HEATR4: variants seen among roughly 807,000 people sequenced by gnomAD.
HEATR4 encodes the protein HEAT repeat containing 4, also known as HEAT repeat-containing protein 4.
HEATR4 carries 95 observed loss-of-function variants against 108.8 expected under a neutral mutation model. The ratio of observed to expected loss-of-function variants is 0.87; its 90% confidence interval spans 0.74 to 1.04. HEATR4 has a LOEUF of 1.04. Among genes scored for constraint, HEATR4 ranks in the 50% least tolerant of loss-of-function variants. The pLI, the probability that HEATR4 is intolerant of heterozygous loss-of-function variation, is 0.00. For missense variants in HEATR4, 1,152 were observed against 1,253.8 expected (o/e 0.92, Z 1.23); for synonymous variants, 443 against 459.4 (o/e 0.96, Z 0.46).
Position 73,509,305 on chromosome 14 carries a change from TACTC to T in HEATR4, c.1720+3_1720+6del, listed in dbSNP as rs769512066. The T allele has an allele frequency of 6.8e-6, 11 of 1,613,218 alleles. No individual in the cohort carries two copies. In the South Asian group the frequency reaches 7.7e-5, roughly 11 times the overall value. ...TTCCAGGTCAGAAGTAACAGGGAGT[TACTC>T]ACCCTTCAGAAGGGCAGTCTGCATG... On this transcript the variant is annotated splice_donor_5th_base_variant and intron_variant, in intron 8 of 17. Coordinates refer to ENST00000553558, the MANE Select transcript of HEATR4 (RefSeq NM_001220484.1).
At chr14:73,608,164 C>A in the HEATR4 span, among the ~76,000 whole-genome samples, 1 of 152,098 alleles carries the variant, frequency 6.6e-6, no homozygotes, top group Non-Finnish European at 1.5e-5. Context: ...ACCTTGTGAC[C>A]CACCTGCCTT....
At chr14:73,604,708 G>A in the HEATR4 span, among the ~76,000 whole-genome samples, 3 of 151,662 alleles carry the variant, frequency 2.0e-5, no homozygotes, top group Admixed American at 2.0e-4. Flanking sequence ...GGTTGGTCTC[G>A]AACTCCTGAC....
the HEATR4 span, among the ~76,000 whole-genome samples, chr14:73,583,628 T>C: frequency 6.6e-6 from 1 of 151,960 alleles, no homozygotes; most frequent in African/African-American, 2.4e-5. Flanking sequence ...CTCCTGATGA[T>C]CCACAGCTGT....
chr14:73,503,225 G>A (rs1886592271), intron 10 of HEATR4, among the ~76,000 whole-genome samples: 1 of 152,128 alleles, frequency 6.6e-6, no homozygotes. Context: ...TGATCAGCTT[G>A]TCCAAGGTTA....
the HEATR4 span, among the ~76,000 whole-genome samples, chr14:73,598,217 C>CAAAAAAAAAA: frequency 2.6e-3 from 140 of 54,444 alleles, no homozygotes; most frequent in East Asian, 5.6e-3. Context: ...ACTAAAAATA[C>CAAAAAAAAAA]AAAAAAAAAA....
intron 5 of HEATR4, among the ~76,000 whole-genome samples, chr14:73,516,890 C>T (rs1242799592): frequency 6.6e-6 from 1 of 152,198 alleles, no homozygotes; most frequent in Non-Finnish European, 1.5e-5. Flanking sequence ...AAACCATCCC[C>T]ACCCCGCTGG....
At chr14:73,599,332 A>C in the HEATR4 span, among the ~76,000 whole-genome samples, 1 of 152,264 alleles carries the variant, frequency 6.6e-6, no homozygotes, top group Middle Eastern at 3.4e-3. Context: ...GGTGTGTTTC[A>C]GTTATCTATT....
chr14:73,616,509 A>G, the HEATR4 span, among the ~76,000 whole-genome samples: 4 of 151,988 alleles, frequency 2.6e-5, no homozygotes, highest in Admixed American at 6.6e-5. Context: ...CCTGGCCAAC[A>G]TGGCAAAACC....
At chr14:73,522,175 G>A in intron 3 of HEATR4, 97 bp downstream of exon 3, 1 of 1,246,002 alleles carries the variant, frequency 8.0e-7, no homozygotes, top group Admixed American at 2.1e-5. Flanking sequence ...GTTGATGGGA[G>A]AGTGCATTCT....
chr14:73,500,468 T>G, intron 12 of HEATR4, 82 bp downstream of exon 12: 1 of 1,396,798 alleles, frequency 7.2e-7, no homozygotes, highest in Non-Finnish European at 9.9e-7. Context: ...CACAGAATGT[T>G]GAGCATACTG....
Position 73,540,783 on chromosome 14 carries a change from G to A in HEATR4, c.-151-10539C>T, listed in dbSNP as rs566479276. Reference sequence around the variant, plus strand: ...TTTTGAGACAGTGTCTCGCTCTTTCGCCCAGGCTGGAGTAGTGGCACAATC... The same window carrying A: ...TTTTGAGACAGTGTCTCGCTCTTTCACCCAGGCTGGAGTAGTGGCACAATC... On this transcript the variant is annotated intron_variant, in intron 1 of 17. Coordinates refer to ENST00000553558, the MANE Select transcript of HEATR4 (RefSeq NM_001220484.1). 2.0e-4 allele frequency among the ~76,000 whole-genome samples: 20 copies of A among 99,666 alleles called. 1 individual carries two copies. The highest frequency in any genetic ancestry group is 1.8e-3 in the South Asian group (6 of 3,264). The allele number at this position is 99,666 out of a possible 152,430, so 65.4% of individuals were successfully genotyped here.
upstream of HEATR4, among the ~76,000 whole-genome samples, chr14:73,560,587 G>A (rs1217932511): frequency 5.9e-5 from 9 of 151,360 alleles, no homozygotes; most frequent in East Asian, 3.9e-4. Flanking sequence ...GCATGAACCC[G>A]GGAGGCGGAG....
chr14:73,486,822 T>C (rs1036595344), intron 17 of HEATR4, among the ~76,000 whole-genome samples: 3 of 152,232 alleles, frequency 2.0e-5, no homozygotes, highest in Non-Finnish European at 2.9e-5. Flanking sequence ...TATCTAATGA[T>C]GGGATGAATT....
rs1360553615 is a variant in HEATR4, at chr14:73,487,558, ACT to A, written c.2844+5506_2844+5507del. 2.6e-5 allele frequency among the ~76,000 whole-genome samples: 4 copies of A among 152,172 alleles called. No homozygotes were observed. The East Asian group carries it at 7.7e-4, about 29-fold the overall frequency. ...ACTCCAGCCTGGATGACAGAGCAAGACTCTATCTCAAAACAAACAAACAAACA... is the reference window on the plus strand; with the variant it reads ...ACTCCAGCCTGGATGACAGAGCAAGACTATCTCAAAACAAACAAACAAACA... On this transcript the variant is annotated intron_variant, in intron 17 of 17. Coordinates refer to ENST00000553558, the MANE Select transcript of HEATR4 (RefSeq NM_001220484.1).
upstream of HEATR4, among the ~76,000 whole-genome samples, chr14:73,559,451 C>G (rs1889472353): frequency 6.6e-6 from 1 of 151,904 alleles, no homozygotes; most frequent in African/African-American, 2.4e-5. Context: ...TAAACCTCAG[C>G]CAGGCGCGAT....
chr14:73,541,722 C>T, intron 1 of HEATR4: 1 of 1,220,944 alleles, frequency 8.2e-7, no homozygotes, highest in Middle Eastern at 2.2e-4. Context: ...GATTTATGGG[C>T]TATGATGTAT....
chr14:73,612,534 C>T, the HEATR4 span: 4 of 1,233,278 alleles, frequency 3.2e-6, no homozygotes, highest in African/African-American at 1.6e-5. Flanking sequence ...CCCACTGACT[C>T]CGCGGAGCTG....
chr14:73,629,417 T>C, the HEATR4 span, among the ~76,000 whole-genome samples: 3 of 152,202 alleles, frequency 2.0e-5, no homozygotes. Context: ...TTAACAATTA[T>C]TATTTCAGAT....
intron 8 of HEATR4, 127 bp from the exon 9 acceptor site, chr14:73,508,421 T>A: frequency 1.3e-6 from 1 of 749,970 alleles, no homozygotes; most frequent in Non-Finnish European, 2.2e-6. Flanking sequence ...CCACTCAGTC[T>A]AGAAATACAA....
Sources: allele counts gnomAD v4.1 joint callset (sites outside exome capture counted in the v4.1 genomes callset), GRCh38; gene constraint gnomAD v4.1.1; transcripts MANE v1.5; gene names NCBI Gene and HGNC (gene_info 2026-07-23, HGNC 2026-07-21).